The following DCHS2 variants were observed in gnomAD, a reference collection of about 807,000 sequenced individuals.
DCHS2 encodes the protein protocadherin-23.
Under a neutral mutation model 182.4 loss-of-function variants are expected in DCHS2, and 142 were observed. The ratio of observed to expected loss-of-function variants is 0.78; its 90% CI spans 0.68 to 0.89. The LOEUF is 0.89. DCHS2 is among the 40% of genes least tolerant of loss of function. The pLI is 0.00. For missense variants in DCHS2, 4,319 were observed against 4,198.6 expected, an observed-to-expected ratio of 1.03 and a Z score of -0.79; for synonymous variants, 1,740 against 1,663.3, an observed-to-expected ratio of 1.05 and a Z score of -1.12.
chr4:154,482,383 G>C (rs531806568), intron 1 of DCHS2, among the ~76,000 whole-genome samples: 1 of 152,072 alleles, frequency 6.6e-6, no homozygotes, highest in Admixed American at 6.5e-5. Flanking sequence ...GAGAAAGAAG[G>C]CCACTTTTGC....
intron 1 of DCHS2, among the ~76,000 whole-genome samples, chr4:154,427,896 G>A (rs889764416): frequency 6.6e-6 from 1 of 152,166 alleles, no homozygotes; most frequent in Non-Finnish European, 1.5e-5. Flanking sequence ...ATAAATAGTA[G>A]AAACAATCAA....
intron 1 of DCHS2, among the ~76,000 whole-genome samples, chr4:154,445,479 ATAGT>A (rs1734242255): frequency 1.3e-5 from 2 of 152,112 alleles, no homozygotes; most frequent in Non-Finnish European, 2.9e-5. Context: ...AAAGCCTCAA[ATAGT>A]TGGTTGTTCT....
At chr4:154,473,108 A>G (rs967803315) in intron 1 of DCHS2, among the ~76,000 whole-genome samples, 7 of 152,140 alleles carry the variant, frequency 4.6e-5, no homozygotes, top group South Asian at 2.1e-4. Context: ...GGGAAAGCCA[A>G]TCGGGTGGGC....
In DCHS2 at chr4:154,489,908, C is replaced by T. The variant is rs1490244675; in HGVS notation, c.1448G>A (p.Gly483Asp). 2.6e-6 allele frequency: 4 copies of T among 1,539,316 alleles called. No homozygotes were observed. Among genetic ancestry groups the T allele is most frequent in the Non-Finnish European group, 3.5e-6 (4 of 1,139,390 alleles). The change falls in exon 1 of 20, where the codon GGC becomes GAC. Residue 483 changes from glycine to aspartate, a missense_variant. By Grantham distance (94) the Gly-to-Asp change is moderately conservative (BLOSUM62 -1). Coordinates refer to ENST00000357232, the MANE Select transcript of DCHS2 (RefSeq NM_001358235.2). ...AAGGAAAAATACCCCTGGGGGGCCG[C>T]CGGGTAGCAACGCGAAGTCTCCCTC... is the stretch of plus-strand genomic sequence containing the variant. ...GGEGDFALLP[G>D]GPPGVFFLCV...
intron 1 of DCHS2, among the ~76,000 whole-genome samples, chr4:154,408,667 G>T (rs1369648193): frequency 6.6e-6 from 1 of 152,168 alleles, no homozygotes; most frequent in Admixed American, 6.5e-5. Flanking sequence ...AAAGGAGAGT[G>T]CTGGAGTACA....
intron 12 of DCHS2, among the ~76,000 whole-genome samples, chr4:154,303,546 A>G (rs11947722): frequency 0.27 from 40,140 of 149,452 alleles, 6,403 homozygotes; most frequent in South Asian, 0.39. Flanking sequence ...GACCCAGACC[A>G]TGATGGGGGA....
chr4:154,450,938 T>C (rs565320723), intron 1 of DCHS2, among the ~76,000 whole-genome samples: 5 of 152,320 alleles, frequency 3.3e-5, no homozygotes, highest in Non-Finnish European at 2.9e-5. Flanking sequence ...AGATAATTTG[T>C]TGCATCTGGT....
intron 1 of DCHS2, among the ~76,000 whole-genome samples, chr4:154,394,092 T>C (rs1398245778): frequency 1.3e-5 from 2 of 151,752 alleles, no homozygotes; most frequent in Non-Finnish European, 2.9e-5. Context: ...AAAGAGGAGG[T>C]GTGGAGCGGA....
At chr4:154,487,193 G>A (rs920114764) in intron 1 of DCHS2, among the ~76,000 whole-genome samples, 1 of 152,206 alleles carries the variant, frequency 6.6e-6, no homozygotes. Flanking sequence ...AAGTCAACTT[G>A]TCCAACCTGT....
At chr4:154,351,197 T>C (rs78120767) in intron 3 of DCHS2, among the ~76,000 whole-genome samples, 2,356 of 152,284 alleles carry the variant, frequency 0.015, 79 homozygotes, top group African/African-American at 0.055. Flanking sequence ...AAGGAAAAGC[T>C]TTTAAGTGAC....
chr4:154,418,754 G>A (rs1732975462), intron 1 of DCHS2, among the ~76,000 whole-genome samples: 1 of 152,152 alleles, frequency 6.6e-6, no homozygotes, highest in Non-Finnish European at 1.5e-5. Flanking sequence ...AAAATATCAT[G>A]TATTTCAATA....
chr4:154,331,875 T>A (rs1736544914), intron 5 of DCHS2, among the ~76,000 whole-genome samples: 1 of 152,234 alleles, frequency 6.6e-6, no homozygotes, highest in African/African-American at 2.4e-5. Flanking sequence ...ACAACATAAA[T>A]TTTAAAATAT....
In DCHS2 at chr4:154,350,755, T is replaced by C. The variant is rs575545587; in HGVS notation, c.2476+15455A>G. On this transcript the variant is annotated intron_variant, in intron 3 of 19. Transcript: ENST00000357232. ...TCTCATCACAAAAGGTATAATCACA[T>C]GTATTTTGTATATTGGAAAGTAAAT... is the stretch of plus-strand genomic sequence containing the variant. 2.6e-5 allele frequency among the ~76,000 whole-genome samples: 4 copies of C among 152,342 alleles called. No homozygotes were observed. In the South Asian group the frequency reaches 8.3e-4, roughly 32 times the overall value.
intron 16 of DCHS2, 143 bp from the exon 17 acceptor site, chr4:154,242,915 A>G: frequency 7.8e-7 from 1 of 1,279,052 alleles, no homozygotes; most frequent in Non-Finnish European, 1.0e-6. Flanking sequence ...AAATGGCATC[A>G]TTTAAAATGT....
intron 1 of DCHS2, among the ~76,000 whole-genome samples, chr4:154,460,645 T>C (rs774826900): frequency 5.9e-5 from 9 of 152,152 alleles, no homozygotes; most frequent in Admixed American, 1.3e-4. Context: ...AATAGTTTTC[T>C]GAAAATGTGG....
At chr4:154,476,727 A>T (rs1286661678) in intron 1 of DCHS2, among the ~76,000 whole-genome samples, 1 of 152,256 alleles carries the variant, frequency 6.6e-6, no homozygotes, top group Non-Finnish European at 1.5e-5. Flanking sequence ...GCAGGGAAGC[A>T]GATACTAAGT....
chr4:154,341,585 CAT>C (rs1173970542), intron 3 of DCHS2, among the ~76,000 whole-genome samples: 4 of 74,566 alleles, frequency 5.4e-5, no homozygotes, highest in Non-Finnish European at 1.4e-4. Context: ...TGCATACATT[CAT>C]ATATATACAC....
chr4:154,430,491 C>T (rs1451252274), intron 1 of DCHS2, among the ~76,000 whole-genome samples: 1 of 152,162 alleles, frequency 6.6e-6, no homozygotes, highest in Non-Finnish European at 1.5e-5. Flanking sequence ...TAAAATATGA[C>T]CCCACAGGAT....
intron 1 of DCHS2, among the ~76,000 whole-genome samples, chr4:154,453,351 G>A (rs1465165035): frequency 6.6e-6 from 1 of 151,158 alleles, no homozygotes; most frequent in African/African-American, 2.4e-5. Flanking sequence ...GGTGGGCAAA[G>A]ATAGAGAGAG....
Sources: gnomAD v4.1 joint callset for allele counts (sites outside exome capture counted in the v4.1 genomes callset) on GRCh38, gnomAD v4.1.1 for gene constraint, MANE v1.5 for transcripts, NCBI Gene and HGNC (gene_info 2026-07-23, HGNC 2026-07-21) for gene names.